The following MAP3K3 variants were observed in gnomAD, a reference collection of about 807,000 sequenced individuals.
MAP3K3 encodes MAP/ERK kinase kinase 3.
MAP3K3 carries 12 observed loss-of-function variants against 80.9 expected under a neutral mutation model. That is an observed-to-expected ratio of 0.15 (90% CI 0.10 to 0.24). The LOEUF (loss-of-function observed/expected upper bound fraction) is 0.24. Ranked by LOEUF, MAP3K3 falls within the 10% of genes least tolerant of loss-of-function variation. The probability of loss-of-function intolerance (pLI) is 1.00; values close to 1 mark genes in which losing one functional copy is unlikely to be tolerated. For missense variants in MAP3K3, 596 were observed against 834.7 expected, an observed-to-expected ratio of 0.71 and a Z score of 3.52; for synonymous variants, 272 against 307.1, an observed-to-expected ratio of 0.89 and a Z score of 1.19.
rs776540419 is a variant in MAP3K3, at chr17:63,691,051, G to A, written c.1213-51G>A. 27 of 1,608,884 alleles carry A rather than the reference G, an allele frequency of 1.7e-5. No homozygotes were observed. The South Asian group carries it at 2.2e-4, about 13-fold the overall frequency. On this transcript the variant is annotated intron_variant, in intron 12 of 15. Transcript: ENST00000361733. This position sits in a 1 kb window ranked among gnomAD's most constrained non-coding sequence, Gnocchi z 4.8. ...AGGGCAAGCTGAGCTGAACCCAGGC[G>A]GGCAGAACTAGGGCCCTGAGAGCTG...
chr17:63,624,812 C>T (rs962627581), intron 1 of MAP3K3, among the ~76,000 whole-genome samples: 1 of 152,318 alleles, frequency 6.6e-6, no homozygotes, highest in Non-Finnish European at 1.5e-5. Context: ...AGTAGATGAC[C>T]TTGATACACT....
chr17:63,671,999 G>T (rs1442383514), intron 6 of MAP3K3, among the ~76,000 whole-genome samples: 1 of 151,228 alleles, frequency 6.6e-6, no homozygotes, highest in Non-Finnish European at 1.5e-5. Flanking sequence ...AAAAAAAAAT[G>T]AGGCCAGGTT....
chr17:63,633,163 G>A (rs1024989242), intron 2 of MAP3K3, among the ~76,000 whole-genome samples: 7 of 151,906 alleles, frequency 4.6e-5, no homozygotes, highest in African/African-American at 1.7e-4. Context: ...GGAAGGCAAA[G>A]GCTGCAGTGA....
At chr17:63,656,773 T>A (rs1292572678) in intron 4 of MAP3K3, among the ~76,000 whole-genome samples, 4 of 152,196 alleles carry the variant, frequency 2.6e-5, no homozygotes, top group African/African-American at 9.7e-5. Flanking sequence ...AATATTTCAC[T>A]GGAACGTATG....
intron 2 of MAP3K3, among the ~76,000 whole-genome samples, chr17:63,645,002 T>C (rs79579765): frequency 6.6e-6 from 1 of 152,248 alleles, no homozygotes; most frequent in East Asian, 1.9e-4. Context: ...TCAAGTTGTT[T>C]GTTTGCCCTT....
At chr17:63,630,297 G>A (rs1488643890) in intron 1 of MAP3K3, among the ~76,000 whole-genome samples, 1 of 152,062 alleles carries the variant, frequency 6.6e-6, no homozygotes, top group Non-Finnish European at 1.5e-5. Context: ...TTTAAAGTTT[G>A]GTTGTGAGGA....
At chr17:63,623,514 G>C (rs923962710) in intron 1 of MAP3K3, among the ~76,000 whole-genome samples, 3 of 152,182 alleles carry the variant, frequency 2.0e-5, no homozygotes, top group South Asian at 4.1e-4. Flanking sequence ...AGAAACATTT[G>C]CTACACAAAA....
intron 4 of MAP3K3, 73 bp from the exon 5 acceptor site, chr17:63,657,721 A>T: frequency 3.1e-6 from 2 of 641,588 alleles, no homozygotes; most frequent in Non-Finnish European, 5.4e-6. Context: ...TGTTTATTTT[A>T]TTTCTGCAAA....
At chr17:63,630,571 C>T (rs1259857345) in intron 1 of MAP3K3, among the ~76,000 whole-genome samples, 1 of 152,204 alleles carries the variant, frequency 6.6e-6, no homozygotes, top group East Asian at 1.9e-4. Context: ...AAGCAATCCA[C>T]CTGCCTCAGC....
intron 3 of MAP3K3, among the ~76,000 whole-genome samples, chr17:63,649,386 G>A (rs1406869827): frequency 1.3e-5 from 2 of 150,888 alleles, no homozygotes; most frequent in African/African-American, 2.4e-5. Context: ...GCAGTGAGCC[G>A]AGATCGTGCC....
chr17:63,678,087 A>G (rs760247312), intron 6 of MAP3K3, among the ~76,000 whole-genome samples: 11 of 152,140 alleles, frequency 7.2e-5, no homozygotes, highest in Non-Finnish European at 1.5e-4. Flanking sequence ...CCTTGGCTGA[A>G]CTGTATGAGA....
intron 2 of MAP3K3, among the ~76,000 whole-genome samples, chr17:63,639,249 A>G (rs2034394567): frequency 6.6e-6 from 1 of 152,170 alleles, no homozygotes. Context: ...CTAGGCTGTG[A>G]AGGAAGTATA....
At chr17:63,682,227 T>C (rs1376221031) in intron 7 of MAP3K3, 1 of 199,322 alleles carries the variant, frequency 5.0e-6, no homozygotes, top group African/African-American at 2.3e-5. Flanking sequence ...TGTTTTAACA[T>C]ACGACTGGTT....
chr17:63,666,723 C>T (rs969984935), intron 5 of MAP3K3, among the ~76,000 whole-genome samples: 2 of 152,176 alleles, frequency 1.3e-5, no homozygotes, highest in Non-Finnish European at 2.9e-5. Context: ...TAGGTCTCAG[C>T]GCTCATACAT....
intron 5 of MAP3K3, among the ~76,000 whole-genome samples, chr17:63,662,735 G>A (rs1201528813): frequency 2.2e-5 from 3 of 133,476 alleles, no homozygotes; most frequent in South Asian, 2.6e-4. Context: ...TCAGCTCACC[G>A]CAGCCTCCAT....
At chr17:63,666,773 G>T (rs560085244) in intron 5 of MAP3K3, among the ~76,000 whole-genome samples, 167 bp from the exon 6 acceptor site, 2 of 152,334 alleles carry the variant, frequency 1.3e-5, no homozygotes, top group Admixed American at 1.3e-4. Flanking sequence ...ATAGTGGTTT[G>T]CTGAGACAAA....
chr17:63,632,786 GTCAC>G lies in MAP3K3; in HGVS notation c.114_117del (p.His38GlnfsTer20). 6.2e-7 allele frequency: 1 copy of G among 1,614,072 alleles called. No individual in the cohort carries two copies. Among genetic ancestry groups the G allele is most frequent in the Non-Finnish European group, 8.5e-7 (1 of 1,179,996 alleles). On this transcript the variant is annotated frameshift_variant, in exon 2 of 16. Coordinates refer to ENST00000361733, the MANE Select transcript of MAP3K3 (RefSeq NM_002401.5). LOFTEE classifies it high-confidence loss of function. ...GAGACCATGAAGAACAAAGACACAG[GTCAC>G]TCAAATAGGCAGGTGTGTGTGACCC...
intron 8 of MAP3K3, among the ~76,000 whole-genome samples, chr17:63,685,845 T>C (rs2035437232): frequency 1.3e-5 from 2 of 152,260 alleles, no homozygotes; most frequent in Non-Finnish European, 2.9e-5. Flanking sequence ...GTTTTGACTT[T>C]CCATATAATA....
At position 63,667,467 on chromosome 17, in the gene MAP3K3, T is replaced by C. The variant is rs114210657; in HGVS notation, c.502+407T>C. ...TCTTGCTTATGATTCCTGAGAAGTC[T>C]TTATACTTCAGGGAAGATAGTGACC... On this transcript the variant is annotated intron_variant, in intron 6 of 15. Transcript: ENST00000361733. Among the ~76,000 whole-genome samples, 1,270 of 152,284 alleles carry C rather than the reference T, an allele frequency of 8.3e-3. 20 individuals are homozygous for C. The highest frequency in any genetic ancestry group is 0.029 in the African/African-American group (1,195 of 41,546).
Sources: gnomAD v4.1 joint callset for allele counts (sites outside exome capture counted in the v4.1 genomes callset) on GRCh38, gnomAD v4.1.1 for gene constraint, Gnocchi (gnomAD v3.1) non-coding constraint, MANE v1.5 for transcripts, NCBI Gene and HGNC (gene_info 2026-07-23, HGNC 2026-07-21) for gene names.